Variants in TEX15 observed in about 807,000 individuals in gnomAD.
TEX15 encodes the protein testis expressed 15, meiosis and synapsis associated.
TEX15 carries 171 observed loss-of-function variants against 237.3 expected under a neutral mutation model. The ratio of observed to expected loss-of-function variants is 0.72; its 90% CI spans 0.64 to 0.82. The LOEUF is 0.82. Among genes scored for constraint, TEX15 ranks in the 40% least tolerant of loss-of-function variants. TEX15 has a pLI of 0.00. For missense variants in TEX15, 3,750 were observed against 3,646.5 expected (o/e 1.03, Z -0.73); for synonymous variants, 1,338 against 1,269.8 (o/e 1.05, Z -1.14).
chr8:30,843,915 T>C lies in TEX15; in HGVS notation c.6252A>G (p.Gln2084=), dbSNP rs1423113607. 1.9e-6 allele frequency: 3 copies of C among 1,612,836 alleles called. No homozygotes were observed. Among genetic ancestry groups the C allele is most frequent in the Non-Finnish European group, 2.5e-6 (3 of 1,179,632 alleles). Residue 2084 remains glutamine (Q), a synonymous_variant, in exon 8 of 11, where the codon CAA becomes CAG. Transcript: ENST00000643185. ...AGTGCCTTTTTTTGTTTTCAATGAA[T>C]TGAATTGTTTCCATCATCATTTGAA... ...VELQMMMETI[Q]FIENKKRHLE...
At chr8:30,838,803 T>G (rs868647976) in intron 9 of TEX15, among the ~76,000 whole-genome samples, 1 of 117,314 alleles carries the variant, frequency 8.5e-6, no homozygotes, top group East Asian at 2.4e-4. Context: ...TATATATATA[T>G]ATATATATAT....
chr8:30,910,427 TTTC>T (rs1470971406), intron 1 of TEX15, among the ~76,000 whole-genome samples: 132 of 152,118 alleles, frequency 8.7e-4, no homozygotes, highest in African/African-American at 2.9e-3. Context: ...CTACGGGTAA[TTTC>T]TTATGTTTGC....
chr8:30,843,758 T>A lies in TEX15; in HGVS notation c.6409A>T (p.Asn2137Tyr). 6.2e-7 allele frequency: 1 copy of A among 1,613,502 alleles called. No individual in the cohort carries two copies. Among genetic ancestry groups the A allele is most frequent in the South Asian group, 1.1e-5 (1 of 90,986 alleles). The change falls in exon 8 of 11, where the codon AAT (asparagine) becomes TAT (tyrosine). Residue 2137 changes from asparagine (N) to tyrosine (Y), a missense_variant. By Grantham distance (143) the Asn-to-Tyr change is moderately radical. Coordinates refer to ENST00000643185, the MANE Select transcript of TEX15 (RefSeq NM_001350162.2). ...YPGFQGRLKYNAFCELQTYHD... is the reference protein window; with the variant it reads ...YPGFQGRLKYYAFCELQTYHD... ...TAAGTCTGTAACTCACAGAATGCAT[T>A]ATATTTTAATCTTCCTTGGAAACCA...
chr8:30,879,401 T>C (rs1808472754), intron 3 of TEX15, among the ~76,000 whole-genome samples: 1 of 152,260 alleles, frequency 6.6e-6, no homozygotes, highest in Non-Finnish European at 1.5e-5. Context: ...CTAGACGTTT[T>C]ATAGCTTCAC....
chr8:30,883,407 G>T (rs1808577375), intron 3 of TEX15, among the ~76,000 whole-genome samples: 1 of 151,542 alleles, frequency 6.6e-6, no homozygotes, highest in South Asian at 2.1e-4. Flanking sequence ...TAAGTTCTGG[G>T]GTGCATGTGC....
At chr8:30,857,397 T>G (rs368290896) in intron 7 of TEX15, among the ~76,000 whole-genome samples, 1 of 152,102 alleles carries the variant, frequency 6.6e-6, no homozygotes, top group Admixed American at 6.5e-5. Flanking sequence ...GAAAGACACA[T>G]GTAGTAGTAC....
chr8:30,856,459 C>T (rs1426938751), intron 7 of TEX15, among the ~76,000 whole-genome samples: 2 of 151,846 alleles, frequency 1.3e-5, no homozygotes, highest in Non-Finnish European at 2.9e-5. Flanking sequence ...AAGGTGGAGA[C>T]GGGAGGATTG....
chr8:30,846,826 T>C lies in TEX15; in HGVS notation c.3341A>G (p.Glu1114Gly). 1 of 1,613,918 alleles carries C rather than the reference T, an allele frequency of 6.2e-7. No homozygotes were observed. The highest frequency in any genetic ancestry group is 1.3e-5 in the African/African-American group (1 of 75,050). ...CCTTCCTGTGGTGCTTTCCAAAACT[T>C]CCATCTCCCCGTTATCAAGTGCTAA... is the stretch of plus-strand genomic sequence containing the variant. ...GLLALDNGEMEVLESTTGREN... is the reference protein window; with the variant it reads ...GLLALDNGEMGVLESTTGREN... The change falls in exon 8 of 11, where the codon GAA (glutamate) becomes GGA (glycine). Residue 1114 changes from glutamate (E) to glycine (G), a missense_variant. Coordinates refer to ENST00000643185, the MANE Select transcript of TEX15 (RefSeq NM_001350162.2).
At position 30,911,687 on chromosome 8, in the gene TEX15, C is replaced by G. The variant is rs1014521664; in HGVS notation, c.-86+1192G>C. ...GGGAACCGTGGTATCTTCAAAGTCTCCGAGTTGCCAGCGACCTCAGCCTCT... is the reference window on the plus strand; with the variant it reads ...GGGAACCGTGGTATCTTCAAAGTCTGCGAGTTGCCAGCGACCTCAGCCTCT... On this transcript the variant is annotated intron_variant, in intron 1 of 10. Transcript: ENST00000643185. Among the ~76,000 whole-genome samples, 30 of 152,140 alleles carry G rather than the reference C, an allele frequency of 2.0e-4. 1 individual carries two copies. The highest frequency in any genetic ancestry group is 8.5e-4 in the Admixed American group (13 of 15,272).
intron 2 of TEX15, among the ~76,000 whole-genome samples, chr8:30,895,715 T>A (rs550669109): frequency 7.8e-6 from 1 of 128,134 alleles, no homozygotes; most frequent in South Asian, 2.8e-4. Context: ...AGAGTCTCAC[T>A]GTGTCCCCAG....
chr8:30,838,810 ATATATATAT>A, intron 9 of TEX15, among the ~76,000 whole-genome samples: 1 of 93,162 alleles, frequency 1.1e-5, no homozygotes, highest in Non-Finnish European at 2.0e-5. Context: ...ATATATATAT[ATATATATAT>A]ATGAATTTTT....
At chr8:30,839,807 C>T (rs1477144585) in intron 9 of TEX15, 99 bp downstream of exon 9, 1 of 683,764 alleles carries the variant, frequency 1.5e-6, no homozygotes, top group African/African-American at 1.8e-5. Flanking sequence ...CATGTATGAT[C>T]CAATGACATT....
intron 2 of TEX15, among the ~76,000 whole-genome samples, chr8:30,895,881 A>C (rs1270040900): frequency 4.0e-5 from 6 of 151,756 alleles, no homozygotes; most frequent in Admixed American, 6.6e-5. Context: ...GGGTTTCACC[A>C]TGTTGGCCAG....
chr8:30,889,934 C>CATATATATATATATATATATATACAT, intron 2 of TEX15, among the ~76,000 whole-genome samples: 1 of 123,310 alleles, frequency 8.1e-6, no homozygotes, highest in African/African-American at 3.6e-5. Context: ...TAGTTATATA[C>CATATATATATATATATATATATACAT]ATATATATAT....
chr8:30,862,385 GTTTAT>G (rs892388751), intron 5 of TEX15, among the ~76,000 whole-genome samples: 1 of 152,018 alleles, frequency 6.6e-6, no homozygotes, highest in Non-Finnish European at 1.5e-5. Flanking sequence ...CTTGGAAAAT[GTTTAT>G]TTTATAATCA....
At chr8:30,892,064 T>G (rs1322638655) in intron 2 of TEX15, among the ~76,000 whole-genome samples, 1 of 152,234 alleles carries the variant, frequency 6.6e-6, no homozygotes, top group Non-Finnish European at 1.5e-5. Context: ...TTGATCAACT[T>G]TAAGAAATAC....
rs1303722442 is a variant in TEX15, at chr8:30,846,490, C to T, written c.3677G>A (p.Arg1226Lys). 2 of 1,613,488 alleles carry T rather than the reference C, an allele frequency of 1.2e-6. No homozygotes were observed. Among genetic ancestry groups the T allele is most frequent in the Admixed American group, 1.7e-5 (1 of 59,992 alleles). The change falls in exon 8 of 11, where the codon AGG becomes AAG. Residue 1226 changes from arginine to lysine, a missense_variant. Physicochemically the swap from Arg to Lys is conservative, Grantham distance 26 (BLOSUM62 2). Coordinates refer to ENST00000643185, the MANE Select transcript of TEX15 (RefSeq NM_001350162.2). Reference protein sequence around the residue: ...YPCEDKVDNIRQESGPVSNSE... With the variant: ...YPCEDKVDNIKQESGPVSNSE... ...GTTACTCACTGGCCCTGATTCTTGC[C>T]TTATATTATCAACTTTATCTTCACA...
intron 9 of TEX15, 141 bp from the exon 10 acceptor site, chr8:30,838,202 G>GT: frequency 1.4e-6 from 1 of 708,418 alleles, no homozygotes; most frequent in Admixed American, 3.7e-5. Flanking sequence ...CACTATACAA[G>GT]TTAACATTTT....
chr8:30,894,164 A>C (rs533775650), intron 2 of TEX15, among the ~76,000 whole-genome samples: 1 of 152,300 alleles, frequency 6.6e-6, no homozygotes, highest in South Asian at 2.1e-4. Context: ...TTAAAAATAT[A>C]CTGTATTTAA....
Sources: gnomAD v4.1 joint callset for allele counts (sites outside exome capture counted in the v4.1 genomes callset) on GRCh38, gnomAD v4.1.1 for gene constraint, MANE v1.5 for transcripts, NCBI Gene and HGNC (gene_info 2026-07-23, HGNC 2026-07-21) for gene names.